The following YWHAQ variants were observed in gnomAD, a reference collection of about 807,000 sequenced individuals.
The protein encoded by YWHAQ is tyrosine 3-monooxygenase/tryptophan 5-monooxygenase activation protein theta, also known as 14-3-3 protein theta.
Under a neutral mutation model 28.3 loss-of-function variants are expected in YWHAQ, and 6 were observed. The observed-to-expected ratio is 0.21, with a 90% CI of 0.12 to 0.42. The LOEUF (loss-of-function observed/expected upper bound fraction) is 0.42. YWHAQ is among the 10% of genes least tolerant of loss of function. YWHAQ has a pLI of 1.00. For synonymous variants in YWHAQ, 143 were observed against 119.1 expected (o/e 1.20, Z -1.31); for missense variants, 201 against 305.6 (o/e 0.66, Z 2.55).
chr2:9,596,140 A>AT (rs1173473884), intron 2 of YWHAQ, among the ~76,000 whole-genome samples: 1 of 152,190 alleles, frequency 6.6e-6, no homozygotes, highest in Non-Finnish European at 1.5e-5. Context: ...AGCTATAAAG[A>AT]ATAATATAAG....
intron 4 of YWHAQ, 78 bp downstream of exon 4, chr2:9,588,087 A>C (rs1295691480): frequency 1.4e-6 from 2 of 1,452,426 alleles, no homozygotes; most frequent in Non-Finnish European, 1.8e-6. Flanking sequence ...GTATCCAAGT[A>C]AAATACCTAT....
chr2:9,625,684 G>A (rs369727629), intron 2 of YWHAQ, among the ~76,000 whole-genome samples: 91 of 152,268 alleles, frequency 6.0e-4, no homozygotes, highest in African/African-American at 2.2e-3. Flanking sequence ...ACCTACCTTA[G>A]GGGAGCAAAG....
chr2:9,629,652 G>T (rs1356822308), intron 2 of YWHAQ, among the ~76,000 whole-genome samples: 1 of 151,922 alleles, frequency 6.6e-6, no homozygotes, highest in African/African-American at 2.4e-5. Context: ...ATGGGGGGTG[G>T]GGGGGAGCAC....
At chr2:9,585,493 C>CCAAAGACCAT in intron 5 of YWHAQ, 148 bp from the exon 6 acceptor site, 1 of 859,434 alleles carries the variant, frequency 1.2e-6, no homozygotes, top group Admixed American at 2.5e-5. Flanking sequence ...TCTCAAAACC[C>CCAAAGACCAT]CAAAGACCAT....
chr2:9,618,936 C>G (rs1021895532), intron 2 of YWHAQ, among the ~76,000 whole-genome samples: 1 of 152,040 alleles, frequency 6.6e-6, no homozygotes, highest in Non-Finnish European at 1.5e-5. Flanking sequence ...TCCACCCTTC[C>G]CCTTAGTCCT....
intron 2 of YWHAQ, among the ~76,000 whole-genome samples, chr2:9,603,201 T>A (rs1381337319): frequency 7.3e-5 from 11 of 151,368 alleles, no homozygotes; most frequent in Admixed American, 6.6e-4. Context: ...AGACTTACAA[T>A]CTGTTCAAAT....
In YWHAQ at chr2:9,627,773, G is replaced by C. The variant is rs143045027; in HGVS notation, c.294+2386C>G. On this transcript the variant is annotated intron_variant, in intron 2 of 5. Coordinates refer to ENST00000238081, the MANE Select transcript of YWHAQ (RefSeq NM_006826.4). ...GATGGCTGCCTTCCTTTCCAGGCTT[G>C]TCTCCTGCAGCAACTCTGCACATGA... 8.0e-4 allele frequency among the ~76,000 whole-genome samples: 122 copies of C among 152,208 alleles called. No individual in the cohort carries two copies. In the East Asian group the frequency reaches 0.02, roughly 25 times the overall value.
chr2:9,630,432 G>A lies in YWHAQ; in HGVS notation c.21C>T (p.Ile7=), dbSNP rs1436640398. The change falls in exon 2 of 6, where the codon ATC becomes ATT. Residue 7 remains isoleucine (I), a synonymous_variant. Transcript: ENST00000238081. This position sits in a 1 kb window ranked among gnomAD's most constrained non-coding sequence, Gnocchi z 5.6. Reference sequence around the variant, plus strand: ...CCTGCTCGGCCAGCTTGGCCTTCTGGATCAGCTCAGTCTTCTCCATGGCGG... The same window carrying A: ...CCTGCTCGGCCAGCTTGGCCTTCTGAATCAGCTCAGTCTTCTCCATGGCGG... MEKTEL[I]QKAKLAEQAE... The A allele has an allele frequency of 1.9e-6, 3 of 1,610,898 alleles. No homozygotes were observed. The highest frequency in any genetic ancestry group is 3.3e-5 in the Admixed American group (2 of 60,004).
At chr2:9,616,825 G>A (rs1667050190) in intron 2 of YWHAQ, among the ~76,000 whole-genome samples, 1 of 152,126 alleles carries the variant, frequency 6.6e-6, no homozygotes, top group African/African-American at 2.4e-5. Context: ...ACATTAAATG[G>A]GTATATACAC....
At chr2:9,621,529 G>A (rs1384290331) in intron 2 of YWHAQ, among the ~76,000 whole-genome samples, 1 of 152,078 alleles carries the variant, frequency 6.6e-6, no homozygotes, top group Non-Finnish European at 1.5e-5. Flanking sequence ...TGCCATACTT[G>A]CTTTTTCAGA....
intron 2 of YWHAQ, among the ~76,000 whole-genome samples, chr2:9,607,382 T>TTTG (rs1257722613): frequency 6.6e-6 from 1 of 151,248 alleles, no homozygotes; most frequent in African/African-American, 2.4e-5. Context: ...TTTTTTTTTT[T>TTTG]GTATTTTTAG....
intron 5 of YWHAQ, among the ~76,000 whole-genome samples, chr2:9,585,867 T>A (rs1251994672): frequency 6.7e-6 from 1 of 149,724 alleles, no homozygotes; most frequent in African/African-American, 2.5e-5. Flanking sequence ...GATCCATGAT[T>A]ATGACACTGC....
At chr2:9,596,887 C>T (rs977951798) in intron 2 of YWHAQ, among the ~76,000 whole-genome samples, 1 of 152,114 alleles carries the variant, frequency 6.6e-6, no homozygotes, top group East Asian at 1.9e-4. Context: ...TCAAGGGATC[C>T]GCCCTCTTCA....
At chr2:9,612,445 A>G (rs1286451308) in intron 2 of YWHAQ, among the ~76,000 whole-genome samples, 1 of 152,222 alleles carries the variant, frequency 6.6e-6, no homozygotes, top group Non-Finnish European at 1.5e-5. Flanking sequence ...GTAAAGAGAT[A>G]TTGATCCCCT....
At chr2:9,598,983 G>A (rs1042475354) in intron 2 of YWHAQ, among the ~76,000 whole-genome samples, 8 of 152,172 alleles carry the variant, frequency 5.3e-5, no homozygotes, top group Non-Finnish European at 2.9e-5. Context: ...AATGTCGTAA[G>A]TGCAAAGAAA....
intron 2 of YWHAQ, among the ~76,000 whole-genome samples, chr2:9,613,933 A>C (rs1558548841): frequency 1.3e-5 from 2 of 152,264 alleles, no homozygotes; most frequent in Non-Finnish European, 2.9e-5. Context: ...CTGACAAGTC[A>C]TGAGGCAATA....
At chr2:9,598,013 T>TTTTTTTTTTTTA (rs1666612979) in intron 2 of YWHAQ, among the ~76,000 whole-genome samples, 3 of 134,898 alleles carry the variant, frequency 2.2e-5, no homozygotes, top group African/African-American at 8.6e-5. Context: ...TTTTTTTTTT[T>TTTTTTTTTTTTA]AGTAGAGACA....
intron 2 of YWHAQ, among the ~76,000 whole-genome samples, chr2:9,602,829 TAAAAAAAAAAAAAAAAAAAAAAAA>T (rs869073430): frequency 2.1e-3 from 77 of 37,198 alleles, no homozygotes; most frequent in African/African-American, 6.0e-3. Context: ...ATGCCTAATT[TAAAAAAAAAAAAAAAAAAAAAAAA>T]AAAAAAAAAA....
Position 9,608,651 on chromosome 2 carries a change from G to A in YWHAQ, c.295-17136C>T, listed in dbSNP as rs560219031. Among the ~76,000 whole-genome samples the A allele has an allele frequency of 1.2e-4, 19 of 152,238 alleles. 1 individual carries two copies. Among genetic ancestry groups the A allele is most frequent in the East Asian group, 1.2e-3 (6 of 5,184 alleles). On this transcript the variant is annotated intron_variant, in intron 2 of 5. Coordinates refer to ENST00000238081, the MANE Select transcript of YWHAQ (RefSeq NM_006826.4). ...TGCCATAAAAAAAAGCAACATCCAC[G>A]CTATTAAAAATAACAGGCTGGGTGC...
Sources: gnomAD v4.1 joint callset for allele counts (sites outside exome capture counted in the v4.1 genomes callset) on GRCh38, gnomAD v4.1.1 for gene constraint, Gnocchi (gnomAD v3.1) non-coding constraint, MANE v1.5 for transcripts, NCBI Gene and HGNC (gene_info 2026-07-23, HGNC 2026-07-21) for gene names.